The following ASCC3 variants were observed in gnomAD, a reference collection of about 807,000 sequenced individuals.
ASCC3 encodes activating signal cointegrator 1 complex subunit 3.
In ASCC3, 158 loss-of-function variants were observed where a neutral mutation model predicts 256.3. The ratio of observed to expected loss-of-function variants is 0.62; its 90% CI spans 0.54 to 0.70. The LOEUF is 0.70. Among genes scored for constraint, ASCC3 ranks in the 30% least tolerant of loss-of-function variants. The probability of loss-of-function intolerance (pLI) is 0.00; values close to 1 mark genes in which losing one functional copy is unlikely to be tolerated. For synonymous variants in ASCC3, 948 were observed against 883.4 expected (o/e 1.07, Z -1.30); for missense variants, 2,259 against 2,626.0 (o/e 0.86, Z 3.05).
At chr6:100,611,655 T>G (rs1199420733) in intron 30 of ASCC3, among the ~76,000 whole-genome samples, 1 of 151,962 alleles carries the variant, frequency 6.6e-6, no homozygotes, top group Non-Finnish European at 1.5e-5. Flanking sequence ...AAAGACCCAG[T>G]GATTTTGAAT....
At chr6:100,712,118 T>C (rs1778879479) in intron 13 of ASCC3, among the ~76,000 whole-genome samples, 1 of 152,114 alleles carries the variant, frequency 6.6e-6, no homozygotes, top group African/African-American at 2.4e-5. Context: ...AAAATTAACT[T>C]AAAATGGATC....
At chr6:100,615,176 T>C (rs952570353) in intron 30 of ASCC3, among the ~76,000 whole-genome samples, 1 of 152,108 alleles carries the variant, frequency 6.6e-6, no homozygotes, top group Admixed American at 6.5e-5. Flanking sequence ...CCACCACACC[T>C]GGGCCAGGCT....
intron 30 of ASCC3, among the ~76,000 whole-genome samples, chr6:100,623,541 G>A (rs1051294479): frequency 7.9e-5 from 12 of 152,032 alleles, no homozygotes; most frequent in Non-Finnish European, 1.3e-4. Context: ...GTTAATCCTG[G>A]GCACCAGTGG....
intron 13 of ASCC3, among the ~76,000 whole-genome samples, chr6:100,683,792 T>C (rs1188378266): frequency 7.5e-6 from 1 of 133,976 alleles, no homozygotes; most frequent in Non-Finnish European, 1.6e-5. Context: ...AGGTTATGCA[T>C]TTAAAAATAT....
intron 37 of ASCC3, among the ~76,000 whole-genome samples, chr6:100,526,882 T>C (rs1582390325): frequency 6.6e-6 from 1 of 152,186 alleles, no homozygotes; most frequent in Non-Finnish European, 1.5e-5. Context: ...TTCATCTCTA[T>C]GAATTTGATA....
chr6:100,585,077 G>A (rs1464200040), intron 36 of ASCC3, among the ~76,000 whole-genome samples: 1 of 152,074 alleles, frequency 6.6e-6, no homozygotes, highest in African/African-American at 2.4e-5. Flanking sequence ...CTCTTCTCGA[G>A]GAGTATCTTT....
intron 4 of ASCC3, among the ~76,000 whole-genome samples, chr6:100,819,858 T>A (rs561367758): frequency 6.6e-6 from 1 of 152,262 alleles, no homozygotes; most frequent in South Asian, 2.1e-4. Flanking sequence ...AACAGTATTT[T>A]GCATCCTTCA....
rs1441367669 is a variant in ASCC3 at position 100,523,654 on chromosome 6, A to T, written c.5776-5512T>A. ...TGTCCTCAACATCTATTTCGAATCAATTTTAAGAATTTCCTACGCATAACA... is the reference window on the plus strand; with the variant it reads ...TGTCCTCAACATCTATTTCGAATCATTTTTAAGAATTTCCTACGCATAACA... On this transcript the variant is annotated intron_variant, in intron 37 of 41. Coordinates refer to ENST00000369162, the MANE Select transcript of ASCC3 (RefSeq NM_006828.4). Among the ~76,000 whole-genome samples, 3 of 152,156 alleles carry T rather than the reference A, an allele frequency of 2.0e-5. No homozygotes were observed. In the East Asian group the frequency reaches 5.8e-4, roughly 29 times the overall value.
At chr6:100,595,452 T>A (rs71566347) in intron 34 of ASCC3, among the ~76,000 whole-genome samples, 7,087 of 152,244 alleles carry the variant, frequency 0.047, 200 homozygotes, top group Middle Eastern at 0.14. Flanking sequence ...GTAAAATATA[T>A]AAATTGTCAA....
Position 100,800,461 on chromosome 6 carries a change from A to G in ASCC3, c.966T>C (p.Tyr322=). ...KILGENAKPN[Y]GCQVTIQSEQ... ...CAGACTGAATAGTGACTTGACAACC[A>G]TAATTGGGTTTAGCATTTTCTCCTA... Residue 322 remains tyrosine (Y), a synonymous_variant, in exon 6 of 42, where the codon TAT becomes TAC. Coordinates refer to ENST00000369162, the MANE Select transcript of ASCC3 (RefSeq NM_006828.4). The G allele has an allele frequency of 6.2e-7, 1 of 1,612,262 alleles. No individual in the cohort carries two copies. Among genetic ancestry groups the G allele is most frequent in the African/African-American group, 1.3e-5 (1 of 74,976 alleles).
At chr6:100,755,329 C>G (rs1160208428) in intron 10 of ASCC3, among the ~76,000 whole-genome samples, 1 of 151,304 alleles carries the variant, frequency 6.6e-6, no homozygotes, top group Non-Finnish European at 1.5e-5. Flanking sequence ...GCACTGTAAT[C>G]TCTATTATAT....
chr6:100,627,655 A>C lies in ASCC3; in HGVS notation c.4577T>G (p.Ile1526Ser). ...SVRPVPLEVH[I>S]QGFPGQHYCP... ...GTAATGTTGACCTGGAAAGCCTTGA[A>C]TGTGAACTTCCAGTGGAACTGGGCG... The change falls in exon 29 of 42, where the codon ATT (isoleucine) becomes AGT (serine). Residue 1526 changes from isoleucine to serine, a missense_variant. By Grantham distance (142) the Ile-to-Ser change is moderately radical (BLOSUM62 -2). Coordinates refer to ENST00000369162, the MANE Select transcript of ASCC3 (RefSeq NM_006828.4). The C allele has an allele frequency of 6.2e-7, 1 of 1,613,688 alleles. No individual in the cohort carries two copies. The highest frequency in any genetic ancestry group is 8.5e-7 in the Non-Finnish European group (1 of 1,179,768).
chr6:100,642,419 G>C (rs148339399), intron 24 of ASCC3, among the ~76,000 whole-genome samples, 162 bp downstream of exon 24: 13 of 152,170 alleles, frequency 8.5e-5, no homozygotes, highest in African/African-American at 2.9e-4. Context: ...TTTACAGAGA[G>C]AACAGATTAA....
intron 13 of ASCC3, among the ~76,000 whole-genome samples, chr6:100,686,286 A>T (rs1443171579): frequency 6.6e-6 from 1 of 152,178 alleles, no homozygotes; most frequent in Non-Finnish European, 1.5e-5. Context: ...AATATACTGT[A>T]TTAATTTTTT....
chr6:100,616,693 C>T (rs949896625), intron 30 of ASCC3, among the ~76,000 whole-genome samples: 2 of 152,164 alleles, frequency 1.3e-5, no homozygotes, highest in Non-Finnish European at 2.9e-5. Flanking sequence ...TAGAGCACAA[C>T]TTAAAACATT....
intron 10 of ASCC3, among the ~76,000 whole-genome samples, chr6:100,748,142 CAAGT>C (rs1780772721): frequency 6.6e-6 from 1 of 151,850 alleles, no homozygotes; most frequent in African/African-American, 2.4e-5. Context: ...AACTTACTTC[CAAGT>C]AAGTACCACT....
intron 13 of ASCC3, among the ~76,000 whole-genome samples, chr6:100,703,193 A>G (rs1355699165): frequency 6.6e-6 from 1 of 152,126 alleles, no homozygotes; most frequent in African/African-American, 2.4e-5. Flanking sequence ...AATAAAAAGT[A>G]AACACAAAAA....
intron 13 of ASCC3, among the ~76,000 whole-genome samples, chr6:100,697,962 G>A (rs1365280013): frequency 1.3e-5 from 2 of 152,012 alleles, no homozygotes; most frequent in South Asian, 2.1e-4. Flanking sequence ...AACATCATTC[G>A]GAGACAAACT....
rs763535264 is a variant in ASCC3, at chr6:100,805,786, T to C, written c.896A>G (p.Asn299Ser). The C allele has an allele frequency of 1.2e-6, 2 of 1,611,300 alleles. No homozygotes were observed. The highest frequency in any genetic ancestry group is 2.2e-5 in the South Asian group (2 of 91,020). ...TTGAAGAGCCTGAAACCTATGATCA[T>C]TTGAAGAATTAAGAAATCTATCCAC... is the stretch of plus-strand genomic sequence containing the variant. The part of the protein sequence containing the change: ...TIVDRFLNSS[N>S]DHRFQALQDN... The change falls in exon 5 of 42, where the codon AAT (asparagine) becomes AGT (serine). Residue 299 changes from asparagine to serine, a missense_variant. Transcript: ENST00000369162.
Sources: gnomAD v4.1 joint callset for allele counts (sites outside exome capture counted in the v4.1 genomes callset) on GRCh38, gnomAD v4.1.1 for gene constraint, MANE v1.5 for transcripts, NCBI Gene and HGNC (gene_info 2026-07-23, HGNC 2026-07-21) for gene names.